The following EPS8L1 variants were observed in gnomAD, a reference collection of about 807,000 sequenced individuals.
EPS8L1 encodes the protein EPS8 signaling adaptor L1.
A neutral mutation model predicts 91.7 loss-of-function variants in EPS8L1; 101 were observed. The ratio of observed to expected loss-of-function variants is 1.10; its 90% CI spans 0.94 to 1.30. EPS8L1 has a LOEUF of 1.30. EPS8L1 is among the 50% of genes most tolerant of loss of function. EPS8L1 has a pLI of 0.00. For synonymous variants in EPS8L1, 506 were observed against 445.3 expected (o/e 1.14, Z -1.72); for missense variants, 1,114 against 1,017.0 (o/e 1.10, Z -1.30).
chr19:55,081,963 C>G lies in EPS8L1; in HGVS notation c.901+64C>G. 7.7e-6 allele frequency: 12 copies of G among 1,564,862 alleles called. No homozygotes were observed. The highest frequency in any genetic ancestry group is 1.0e-5 in the Non-Finnish European group (12 of 1,154,500). On this transcript the variant is annotated intron_variant, in intron 9 of 19. Transcript: ENST00000201647. The surrounding 1 kb of genome is among the most constrained non-coding windows in gnomAD (Gnocchi z 4.9). ...GATCTCTTCCAAATGTCCCCGCTCT[C>G]CCCAGGCTCTCCCCTCCCGCCACTT... is the stretch of plus-strand genomic sequence containing the variant.
At chr19:55,076,582 C>A (rs1015240913) in intron 2 of EPS8L1, 121 bp downstream of exon 2, 5 of 1,210,562 alleles carry the variant, frequency 4.1e-6, no homozygotes, top group Admixed American at 4.7e-5. Context: ...CTGGCCCAAG[C>A]CCCGACACTC....
intron 2 of EPS8L1, among the ~76,000 whole-genome samples, chr19:55,077,479 G>C (rs1176444858): frequency 1.3e-5 from 2 of 151,844 alleles, no homozygotes; most frequent in Non-Finnish European, 2.9e-5. Context: ...TCTTCTGAAG[G>C]TCTTATGGCA....
At chr19:55,076,562 G>C in intron 2 of EPS8L1, 101 bp downstream of exon 2, 3 of 1,380,848 alleles carry the variant, frequency 2.2e-6, no homozygotes, top group South Asian at 1.3e-5. Context: ...TGTTTGCGGC[G>C]GCCCAGACTC....
Position 55,081,767 on chromosome 19 carries a change from C to T in EPS8L1, c.775-6C>T, listed in dbSNP as rs1377712095. ...GCCCTGAGCGTCCCCCTCCTCTGTC[C>T]CCTAGGACATCCTGAACCACGTGTT... On this transcript the variant is annotated splice_polypyrimidine_tract_variant and splice_region_variant and intron_variant, in intron 8 of 19. Transcript: ENST00000201647. This position sits in a 1 kb window ranked among gnomAD's most constrained non-coding sequence, Gnocchi z 4.9. 30 of 1,607,958 alleles carry T rather than the reference C, an allele frequency of 1.9e-5. No individual in the cohort carries two copies. The highest frequency in any genetic ancestry group is 2.5e-5 in the Non-Finnish European group (29 of 1,176,206).
chr19:55,081,740 G>C lies in EPS8L1; in HGVS notation c.775-33G>C. 1 of 1,577,962 alleles carries C rather than the reference G, an allele frequency of 6.3e-7. No homozygotes were observed. The highest frequency in any genetic ancestry group is 8.6e-7 in the Non-Finnish European group (1 of 1,159,798). On this transcript the variant is annotated intron_variant, in intron 8 of 19. Coordinates refer to ENST00000201647, the MANE Select transcript of EPS8L1 (RefSeq NM_133180.3). This position sits in a 1 kb window ranked among gnomAD's most constrained non-coding sequence, Gnocchi z 4.9. ...CGACGGGGATGGTTTTGGAACTCGGGAGCCCTGAGCGTCCCCCTCCTCTGT... is the reference window on the plus strand; with the variant it reads ...CGACGGGGATGGTTTTGGAACTCGGCAGCCCTGAGCGTCCCCCTCCTCTGT...
Position 55,079,588 on chromosome 19 carries a change from A to C in EPS8L1, c.118-102A>C, listed in dbSNP as rs1167094325. Reference sequence around the variant, plus strand: ...GTGATCAAGGAAGGCTTCCTGGAGGAGGTGTGGTTAGTCTCAGGCTGAAAG... The same window carrying C: ...GTGATCAAGGAAGGCTTCCTGGAGGCGGTGTGGTTAGTCTCAGGCTGAAAG... On this transcript the variant is annotated intron_variant, in intron 4 of 19. Coordinates refer to ENST00000201647, the MANE Select transcript of EPS8L1 (RefSeq NM_133180.3). 13 of 1,358,380 alleles carry C rather than the reference A, an allele frequency of 9.6e-6. No individual in the cohort carries two copies. The East Asian group carries it at 3.0e-4, about 31-fold the overall frequency. The allele number at this position is 1,358,380 out of a possible 1,614,324, so 84.1% of individuals were successfully genotyped here. A position where few individuals can be genotyped will look rare whatever the true frequency, so the allele number is the denominator to read the frequency against.
intron 2 of EPS8L1, 62 bp downstream of exon 2, chr19:55,076,523 C>A: frequency 6.4e-7 from 1 of 1,574,110 alleles, no homozygotes. Flanking sequence ...CTCGCCTCCT[C>A]ACCCACACCC....
chr19:55,078,153 A>G (rs1407892967), intron 3 of EPS8L1, 25 bp downstream of exon 3: 4 of 1,611,084 alleles, frequency 2.5e-6, no homozygotes, highest in Non-Finnish European at 3.4e-6. Flanking sequence ...AGGGAGCCCC[A>G]GGCCCATAGA....
At position 55,083,723 on chromosome 19, in the gene EPS8L1, CT is replaced by C. The variant is rs757740320; in HGVS notation, c.1385+86del. 14 of 1,365,420 alleles carry C rather than the reference CT, an allele frequency of 1.0e-5. No individual in the cohort carries two copies. The highest frequency in any genetic ancestry group is 7.7e-5 in the East Asian group (2 of 25,862). 84.6% of individuals were successfully genotyped at this position (1,365,420 alleles called of 1,614,324 possible). A position where few individuals can be genotyped will look rare whatever the true frequency, so the allele number is the denominator to read the frequency against. ...GGGCTCCCGATGCTGACTCCGCCCCCTTTTTTTCTGTGTTTTTCCTTCTGTC... is the reference window on the plus strand; with the variant it reads ...GGGCTCCCGATGCTGACTCCGCCCCCTTTTTTCTGTGTTTTTCCTTCTGTC... On this transcript the variant is annotated intron_variant, in intron 14 of 19. Coordinates refer to ENST00000201647, the MANE Select transcript of EPS8L1 (RefSeq NM_133180.3). The surrounding 1 kb of genome is among the most constrained non-coding windows in gnomAD (Gnocchi z 4.7).
rs1188094126 is a variant in EPS8L1, at chr19:55,081,701, C to G, written c.775-72C>G. 10 of 1,540,790 alleles carry G rather than the reference C, an allele frequency of 6.5e-6. No homozygotes were observed. Among genetic ancestry groups the G allele is most frequent in the Non-Finnish European group, 8.8e-6 (10 of 1,142,784 alleles). On this transcript the variant is annotated intron_variant, in intron 8 of 19. Transcript: ENST00000201647. The surrounding 1 kb of genome is among the most constrained non-coding windows in gnomAD (Gnocchi z 4.9). ...TGATCTGGGGAAGTGTATAGGTGCT[C>G]AGGTTCAGGGCTTCGACGGGGATGG...
intron 2 of EPS8L1, among the ~76,000 whole-genome samples, chr19:55,077,123 A>C (rs1626809): frequency 2.6e-5 from 4 of 151,944 alleles, no homozygotes; most frequent in African/African-American, 9.7e-5. Context: ...TGTTATGTGC[A>C]TGCAAGTGGG....
Position 55,076,285 on chromosome 19 carries a change from GC to G in EPS8L1, c.-37-121del, listed in dbSNP as rs1207489278. 5.1e-6 allele frequency: 4 copies of G among 779,628 alleles called. No individual in the cohort carries two copies. The African/African-American group carries it at 8.0e-5, about 16-fold the overall frequency. 48.3% of individuals were successfully genotyped at this position (779,628 alleles called of 1,614,324 possible). ...GGGTCTGAGGGAGGAGGGGCTGGGG[GC>G]CTGGACTCCTGGGCCTGAGGGAGGA... On this transcript the variant is annotated intron_variant, in intron 1 of 19. Transcript: ENST00000201647.
At position 55,087,624 on chromosome 19, in the gene EPS8L1, C is replaced by G; in HGVS notation, c.*10C>G. ...AATGGAGGTCATTTGACCTGCCAGG[C>G]GCCCTTCGCAAAGAGTGACGAGGCC... On this transcript the variant is annotated 3_prime_UTR_variant, in exon 20 of 20. Transcript: ENST00000201647. 6.2e-7 allele frequency: 1 copy of G among 1,613,888 alleles called. No homozygotes were observed. Among genetic ancestry groups the G allele is most frequent in the South Asian group, 1.1e-5 (1 of 90,994 alleles).
Position 55,086,746 on chromosome 19 carries a change from G to T in EPS8L1, c.1810G>T (p.Glu604Ter). ...CTCCCAGATGCTCATCGTCAACGAG[G>T]AACTGCAGGCGCGCCTGGCCCAGGG... Reference protein sequence around the residue: ...KFSQMLIVNEELQARLAQGRS... With the variant: ...KFSQMLIVNE Residue 604 changes from glutamate to a stop codon, truncating the protein, a stop_gained, in exon 18 of 20, where the codon GAA becomes TAA. Coordinates refer to ENST00000201647, the MANE Select transcript of EPS8L1 (RefSeq NM_133180.3). LOFTEE classifies it high-confidence loss of function. The T allele has an allele frequency of 6.2e-7, 1 of 1,611,394 alleles. No individual in the cohort carries two copies. The highest frequency in any genetic ancestry group is 8.5e-7 in the Non-Finnish European group (1 of 1,179,432).
At position 55,086,085 on chromosome 19, in the gene EPS8L1, T is replaced by A. The variant is rs1264865652; in HGVS notation, c.1543T>A (p.Trp515Arg). Residue 515 changes from tryptophan to arginine, a missense_variant, in exon 16 of 20, where the codon TGG (tryptophan) becomes AGG (arginine). Transcript: ENST00000201647. ...LEVLDDSRKW[W>R]KVRDPAGQEG... Reference sequence around the variant, plus strand: ...GGTCCTGGATGACAGTCGTAAGTGGTGGAAGGTTCGGGACCCAGCGGGGCA... The same window carrying A: ...GGTCCTGGATGACAGTCGTAAGTGGAGGAAGGTTCGGGACCCAGCGGGGCA... 6.3e-7 allele frequency: 1 copy of A among 1,599,580 alleles called. No individual in the cohort carries two copies.
intron 16 of EPS8L1, 39 bp downstream of exon 16, chr19:55,086,231 G>A: frequency 6.3e-7 from 1 of 1,596,748 alleles, no homozygotes; most frequent in Non-Finnish European, 8.5e-7. Context: ...AGGGTGGAGA[G>A]GCTGGGACCA....
Position 55,081,203 on chromosome 19 carries a change from G to T in EPS8L1, c.513-28G>T. On this transcript the variant is annotated intron_variant, in intron 7 of 19. Transcript: ENST00000201647. This position sits in a 1 kb window ranked among gnomAD's most constrained non-coding sequence, Gnocchi z 4.9. ...CTCCCTGGACCCCTCAGTGGACCCA[G>T]TCTTGGTGTCCCCGTCGCCCTCCGC... 1 of 1,493,384 alleles carries T rather than the reference G, an allele frequency of 6.7e-7. No homozygotes were observed. 92.5% of individuals were successfully genotyped at this position (1,493,384 alleles called of 1,614,324 possible). A position where few individuals can be genotyped will look rare whatever the true frequency, so the allele number is the denominator to read the frequency against.
In EPS8L1 at chr19:55,081,599, T is replaced by C; in HGVS notation, c.774+107T>C. On this transcript the variant is annotated intron_variant, in intron 8 of 19. Coordinates refer to ENST00000201647, the MANE Select transcript of EPS8L1 (RefSeq NM_133180.3). The surrounding 1 kb of genome is among the most constrained non-coding windows in gnomAD (Gnocchi z 4.9). ...CGGGACGGGCGTTCTCTGGTCAGAC[T>C]TCTGCGTTATGGAAGAGGGGCTGGG... 1 of 919,400 alleles carries C rather than the reference T, an allele frequency of 1.1e-6. No homozygotes were observed. Among genetic ancestry groups the C allele is most frequent in the Non-Finnish European group, 1.5e-6 (1 of 684,210 alleles). 57.0% of individuals were successfully genotyped at this position (919,400 alleles called of 1,614,324 possible).
intron 4 of EPS8L1, 118 bp from the exon 5 acceptor site, chr19:55,079,572 G>A: frequency 8.0e-7 from 1 of 1,256,368 alleles, no homozygotes; most frequent in East Asian, 2.5e-5. Flanking sequence ...GGTGATCAAG[G>A]AAGGCTTCCT....
Sources: allele counts gnomAD v4.1 joint callset (sites outside exome capture counted in the v4.1 genomes callset), GRCh38; gene constraint gnomAD v4.1.1; non-coding constraint Gnocchi (gnomAD v3.1); transcripts MANE v1.5; gene names NCBI Gene and HGNC (gene_info 2026-07-23, HGNC 2026-07-21).